Variants in TTC28 observed in about 807,000 individuals in gnomAD.
TTC28 encodes the protein tetratricopeptide repeat domain 28.
In TTC28, 61 loss-of-function variants were observed where a neutral mutation model predicts 198.0. The ratio of observed to expected loss-of-function variants is 0.31; its 90% CI spans 0.25 to 0.38. The LOEUF is 0.38. Ranked by LOEUF, TTC28 falls within the 10% of genes least tolerant of loss-of-function variation. The pLI is 1.00. For missense variants in TTC28, 2,678 were observed against 3,164.0 expected (o/e 0.85, Z 3.69); for synonymous variants, 1,171 against 1,297.8 (o/e 0.90, Z 2.10).
chr22:28,488,594 C>T (rs930627907), intron 2 of TTC28, among the ~76,000 whole-genome samples: 1 of 152,096 alleles, frequency 6.6e-6, no homozygotes, highest in Admixed American at 6.6e-5. Context: ...TTTTCCAGGA[C>T]TTTTGCTTAA....
chr22:28,285,746 T>C (rs2044672291), intron 5 of TTC28, among the ~76,000 whole-genome samples: 2 of 152,234 alleles, frequency 1.3e-5, no homozygotes, highest in African/African-American at 4.8e-5. Flanking sequence ...AATAATCTAA[T>C]GTGTAAGACA....
intron 12 of TTC28, among the ~76,000 whole-genome samples, chr22:28,084,183 C>T: frequency 6.6e-6 from 1 of 152,204 alleles, no homozygotes; most frequent in Non-Finnish European, 1.5e-5. Flanking sequence ...CAGCACACAG[C>T]CTGAGATCTG....
At chr22:28,182,437 C>G (rs529712042) in intron 5 of TTC28, among the ~76,000 whole-genome samples, 1 of 151,914 alleles carries the variant, frequency 6.6e-6, no homozygotes, top group African/African-American at 2.4e-5. Context: ...TGAAGAAACT[C>G]AGAGAGAGAG....
intron 19 of TTC28, among the ~76,000 whole-genome samples, chr22:27,991,682 C>T (rs1284816557): frequency 6.6e-6 from 1 of 152,210 alleles, no homozygotes; most frequent in East Asian, 1.9e-4. Context: ...CTGTGCTCTT[C>T]AAGGGCTGCT....
chr22:28,510,473 T>C (rs1253013782), intron 2 of TTC28, among the ~76,000 whole-genome samples: 1 of 152,090 alleles, frequency 6.6e-6, no homozygotes, highest in East Asian at 1.9e-4. Flanking sequence ...CAACATCCCT[T>C]CATGTTAAAA....
chr22:28,223,592 A>G (rs987019068), intron 5 of TTC28, among the ~76,000 whole-genome samples: 3 of 152,188 alleles, frequency 2.0e-5, no homozygotes, highest in African/African-American at 7.2e-5. Context: ...CTGAATGATT[A>G]TAGCCTGAAC....
chr22:28,285,674 C>G (rs2044670755), intron 5 of TTC28, among the ~76,000 whole-genome samples: 1 of 152,094 alleles, frequency 6.6e-6, no homozygotes, highest in African/African-American at 2.4e-5. Flanking sequence ...CATTGTACAC[C>G]TTGAATACAT....
At chr22:28,462,300 A>G (rs2047961289) in intron 2 of TTC28, among the ~76,000 whole-genome samples, 1 of 152,152 alleles carries the variant, frequency 6.6e-6, no homozygotes, top group African/African-American at 2.4e-5. Flanking sequence ...ATCTGAACAG[A>G]ATTTTAAGAG....
At position 28,628,280 on chromosome 22, in the gene TTC28, G is replaced by T. The variant is rs901132833; in HGVS notation, c.381+1272C>A. 2.6e-4 allele frequency among the ~76,000 whole-genome samples: 40 copies of T among 152,126 alleles called. No individual in the cohort carries two copies. In the Middle Eastern group the frequency reaches 0.017, roughly 65 times the overall value. On this transcript the variant is annotated intron_variant, in intron 2 of 22. Transcript: ENST00000397906. ...TTAACCTTTGTTAATGGGATGAAAT[G>T]GTTTTGTGGTTCTATAGAAAATATC...
intron 2 of TTC28, among the ~76,000 whole-genome samples, chr22:28,349,420 G>A (rs1184838118): frequency 1.3e-5 from 2 of 152,126 alleles, no homozygotes; most frequent in Non-Finnish European, 2.9e-5. Flanking sequence ...CCAAACAGAT[G>A]GGAACATAAT....
At chr22:28,227,266 A>G (rs900530887) in intron 5 of TTC28, among the ~76,000 whole-genome samples, 3 of 152,206 alleles carry the variant, frequency 2.0e-5, no homozygotes, top group African/African-American at 7.2e-5. Flanking sequence ...CCTAAACTCA[A>G]GAGCTAAAAC....
intron 6 of TTC28, among the ~76,000 whole-genome samples, chr22:28,161,087 T>C (rs1331590716): frequency 2.6e-5 from 4 of 152,242 alleles, no homozygotes; most frequent in Admixed American, 2.6e-4. Flanking sequence ...TATTTTTATA[T>C]TAAACACTTC....
At chr22:28,212,345 T>A (rs1196616803) in intron 5 of TTC28, among the ~76,000 whole-genome samples, 1 of 151,130 alleles carries the variant, frequency 6.6e-6, no homozygotes, top group African/African-American at 2.4e-5. Flanking sequence ...GGAGCTGGTT[T>A]TTTGAAAAGA....
intron 2 of TTC28, among the ~76,000 whole-genome samples, chr22:28,515,630 G>A (rs1262100785): frequency 1.3e-5 from 2 of 152,148 alleles, no homozygotes; most frequent in African/African-American, 4.8e-5. Context: ...CACTCACTTT[G>A]AAGGGGCTCA....
At chr22:28,025,983 C>T (rs1382976567) in intron 13 of TTC28, among the ~76,000 whole-genome samples, 1 of 152,228 alleles carries the variant, frequency 6.6e-6, no homozygotes, top group East Asian at 1.9e-4. Context: ...TGGCTCTCCT[C>T]TCCAGTCACT....
chr22:28,413,372 G>A (rs973078006), intron 2 of TTC28, among the ~76,000 whole-genome samples: 1 of 151,988 alleles, frequency 6.6e-6, no homozygotes, highest in Admixed American at 6.6e-5. Context: ...TGGGAGGCGG[G>A]GCTTGCAGTG....
At chr22:28,204,579 C>G (rs1243144034) in intron 5 of TTC28, among the ~76,000 whole-genome samples, 1 of 152,064 alleles carries the variant, frequency 6.6e-6, no homozygotes, top group Non-Finnish European at 1.5e-5. Context: ...TAAACAGTAG[C>G]CTGACTCTCA....
intron 6 of TTC28, among the ~76,000 whole-genome samples, chr22:28,118,167 G>A (rs1281761237): frequency 6.6e-6 from 1 of 152,224 alleles, no homozygotes; most frequent in East Asian, 1.9e-4. Flanking sequence ...GGGAGGCCAA[G>A]GCGGGTGGAT....
intron 1 of TTC28, among the ~76,000 whole-genome samples, chr22:28,654,923 AG>A (rs2146268751): frequency 6.6e-6 from 1 of 152,362 alleles, no homozygotes; most frequent in South Asian, 2.1e-4. Flanking sequence ...AAAATAGAGC[AG>A]AACAGCTTTT....
Sources: gnomAD v4.1 joint callset for allele counts (sites outside exome capture counted in the v4.1 genomes callset) on GRCh38, gnomAD v4.1.1 for gene constraint, MANE v1.5 for transcripts, NCBI Gene and HGNC (gene_info 2026-07-23, HGNC 2026-07-21) for gene names.